Variants in CDH12 observed in about 807,000 individuals in gnomAD.
CDH12 encodes cadherin-12.
Under a neutral mutation model 74.1 loss-of-function variants are expected in CDH12, and 41 were observed. That is an observed-to-expected ratio of 0.55 (90% CI 0.43 to 0.72). The LOEUF (loss-of-function observed/expected upper bound fraction) is 0.72. Ranked by LOEUF, CDH12 falls within the 30% of genes least tolerant of loss-of-function variation. The probability of loss-of-function intolerance (pLI) is 0.00; values close to 1 mark genes in which losing one functional copy is unlikely to be tolerated. For missense variants in CDH12, 945 were observed against 977.2 expected (o/e 0.97, Z 0.44); for synonymous variants, 399 against 355.0 (o/e 1.12, Z -1.39).
chr5:22,161,657 A>T (rs2150319395), intron 4 of CDH12, among the ~76,000 whole-genome samples: 1 of 151,958 alleles, frequency 6.6e-6, no homozygotes, highest in Admixed American at 6.6e-5. Context: ...GTGCCATTGA[A>T]TTCCAGCCTG....
chr5:22,744,698 C>T (rs1231458240), intron 1 of CDH12, among the ~76,000 whole-genome samples: 1 of 152,028 alleles, frequency 6.6e-6, no homozygotes, highest in Non-Finnish European at 1.5e-5. Flanking sequence ...TCATCTATCT[C>T]TCTACACATC....
chr5:22,456,577 A>G (rs1474623128), intron 2 of CDH12, among the ~76,000 whole-genome samples: 1 of 152,188 alleles, frequency 6.6e-6, no homozygotes, highest in Non-Finnish European at 1.5e-5. Context: ...TGCCCAATCA[A>G]ACTATTGATT....
At chr5:22,413,084 T>C (rs1054996847) in intron 2 of CDH12, among the ~76,000 whole-genome samples, 1 of 152,020 alleles carries the variant, frequency 6.6e-6, no homozygotes, top group Non-Finnish European at 1.5e-5. Context: ...TATTCAATAT[T>C]CCATTCAATA....
chr5:21,982,363 TG>T (rs1757341135), intron 5 of CDH12, among the ~76,000 whole-genome samples: 2 of 152,028 alleles, frequency 1.3e-5, no homozygotes, highest in African/African-American at 2.4e-5. Flanking sequence ...GTCTACAGTT[TG>T]CCAACTGCAT....
intron 10 of CDH12, among the ~76,000 whole-genome samples, chr5:21,789,232 A>G (rs1450826866): frequency 2.0e-5 from 3 of 152,022 alleles, no homozygotes; most frequent in African/African-American, 7.2e-5. Flanking sequence ...TTTAATTTTT[A>G]TAGTTTTATG....
intron 1 of CDH12, among the ~76,000 whole-genome samples, chr5:22,518,040 G>A (rs1398504435): frequency 1.3e-5 from 2 of 152,174 alleles, no homozygotes; most frequent in African/African-American, 2.4e-5. Flanking sequence ...TACCCCTAGA[G>A]TGTACAAGGA....
At chr5:22,321,853 C>A (rs901350253) in intron 3 of CDH12, among the ~76,000 whole-genome samples, 1 of 151,862 alleles carries the variant, frequency 6.6e-6, no homozygotes, top group African/African-American at 2.4e-5. Context: ...TTGGTTAAGT[C>A]CAGAATATAA....
intron 12 of CDH12, among the ~76,000 whole-genome samples, chr5:21,763,276 A>G (rs546344297): frequency 6.6e-6 from 1 of 152,318 alleles, no homozygotes; most frequent in Non-Finnish European, 1.5e-5. Flanking sequence ...CACCAAAATT[A>G]TATCTGCTCA....
At position 22,806,302 on chromosome 5, in the gene CDH12, A is replaced by C. The variant is rs1033637609; in HGVS notation, c.-523+46756T>G. 5.3e-5 allele frequency among the ~76,000 whole-genome samples: 8 copies of C among 151,316 alleles called. No individual in the cohort carries two copies. The South Asian group carries it at 1.7e-3, about 32-fold the overall frequency. On this transcript the variant is annotated intron_variant, in intron 1 of 14. Transcript: ENST00000382254. ...AGTGTAAAAGGGTTCCTATTTCCCCACATCATCTCCAGTGTCTGTTGTTTT... is the reference window on the plus strand; with the variant it reads ...AGTGTAAAAGGGTTCCTATTTCCCCCCATCATCTCCAGTGTCTGTTGTTTT...
At chr5:21,824,840 C>T (rs1332137131) in intron 8 of CDH12, among the ~76,000 whole-genome samples, 4 of 152,052 alleles carry the variant, frequency 2.6e-5, no homozygotes, top group Admixed American at 2.6e-4. Flanking sequence ...TCACACTCTA[C>T]AAAACATGCT....
At position 22,651,701 on chromosome 5, in the gene CDH12, GT is replaced by G. The variant is rs35910624; in HGVS notation, c.-522-146338del. On this transcript the variant is annotated intron_variant, in intron 1 of 14. Transcript: ENST00000382254. Reference sequence around the variant, plus strand: ...CTAAGGAGTAGTTGATAGGATGGTGGTTTTTTTTTTTTCAGAGTAATAAAAT... The same window carrying G: ...CTAAGGAGTAGTTGATAGGATGGTGGTTTTTTTTTTTCAGAGTAATAAAAT... Among the ~76,000 whole-genome samples, 882 of 144,338 alleles carry G rather than the reference GT, an allele frequency of 6.1e-3. 13 individuals carry two copies. Among genetic ancestry groups the G allele is most frequent in the African/African-American group, 0.021 (814 of 39,566 alleles). 94.7% of individuals were successfully genotyped at this position (144,338 alleles called of 152,430 possible).
intron 2 of CDH12, among the ~76,000 whole-genome samples, chr5:22,424,510 G>A (rs989760507): frequency 2.0e-5 from 3 of 152,148 alleles, no homozygotes; most frequent in South Asian, 2.1e-4. Context: ...CCACCAGAAA[G>A]TCTATGCAAC....
At chr5:22,162,466 G>A (rs563094923) in intron 4 of CDH12, among the ~76,000 whole-genome samples, 67 of 152,220 alleles carry the variant, frequency 4.4e-4, no homozygotes, top group Middle Eastern at 3.4e-3. Context: ...TGAAGAATCA[G>A]GAGCTGCCTC....
chr5:22,582,363 C>A (rs1740152271), intron 1 of CDH12, among the ~76,000 whole-genome samples: 1 of 152,134 alleles, frequency 6.6e-6, no homozygotes, highest in African/African-American at 2.4e-5. Context: ...ATGAATATGT[C>A]AAAATTAATT....
chr5:22,051,399 T>C (rs1740356190), intron 5 of CDH12, among the ~76,000 whole-genome samples: 5 of 152,182 alleles, frequency 3.3e-5, no homozygotes, highest in Admixed American at 6.6e-5. Context: ...TTTAATTCTA[T>C]ACATAATTTT....
chr5:22,381,151 G>A (rs976151570), intron 3 of CDH12, among the ~76,000 whole-genome samples: 1 of 151,842 alleles, frequency 6.6e-6, no homozygotes, highest in African/African-American at 2.4e-5. Flanking sequence ...TCTTTCTCTT[G>A]GGGAAACATG....
chr5:21,808,166 C>A (rs6452002), intron 9 of CDH12, among the ~76,000 whole-genome samples: 1 of 151,666 alleles, frequency 6.6e-6, no homozygotes, highest in Non-Finnish European at 1.5e-5. Context: ...CAAACAGCCA[C>A]GAGGAACTGG....
At chr5:21,856,342 A>G (rs1750752920) in intron 6 of CDH12, among the ~76,000 whole-genome samples, 1 of 151,708 alleles carries the variant, frequency 6.6e-6, no homozygotes, top group Admixed American at 6.6e-5. Context: ...TCCACTATAC[A>G]TGTGTAATAT....
At chr5:21,872,622 A>G (rs999808712) in intron 6 of CDH12, among the ~76,000 whole-genome samples, 1 of 152,166 alleles carries the variant, frequency 6.6e-6, no homozygotes, top group Non-Finnish European at 1.5e-5. Context: ...TCTGTGTAGC[A>G]TCATATTATT....
Sources: gnomAD v4.1 joint callset for allele counts (sites outside exome capture counted in the v4.1 genomes callset) on GRCh38, gnomAD v4.1.1 for gene constraint, MANE v1.5 for transcripts, NCBI Gene and HGNC (gene_info 2026-07-23, HGNC 2026-07-21) for gene names.